The following SGSH variants were observed in gnomAD, a reference collection of about 807,000 sequenced individuals.
SGSH encodes N-sulfoglucosamine sulfohydrolase.
A neutral mutation model predicts 51.0 loss-of-function variants in SGSH; 48 were observed. That is an observed-to-expected ratio of 0.94 (90% CI 0.75 to 1.20). The LOEUF is 1.20. SGSH is among the 50% of genes most tolerant of loss of function. The probability of loss-of-function intolerance (pLI) is 0.00; values close to 1 mark genes in which losing one functional copy is unlikely to be tolerated. For missense variants in SGSH, 662 were observed against 717.8 expected, an observed-to-expected ratio of 0.92 and a Z score of 0.89; for synonymous variants, 321 against 313.4, an observed-to-expected ratio of 1.02 and a Z score of -0.26.
rs560338880 is a variant in SGSH, at chr17:80,209,882, A to C, written c.*570T>G. On this transcript the variant is annotated 3_prime_UTR_variant, in exon 8 of 8. Coordinates refer to ENST00000326317, the MANE Select transcript of SGSH (RefSeq NM_000199.5). ...ACTTGACCATGGGGCAAAACAGAAG[A>C]AGCAGAAACCTGCCCAAAGGTCGCT... is the stretch of plus-strand genomic sequence containing the variant. The C allele has an allele frequency of 1.6e-5, 16 of 990,284 alleles. No homozygotes were observed. Among genetic ancestry groups the C allele is most frequent in the East Asian group, 1.1e-4 (1 of 8,944 alleles). 61.3% of individuals were successfully genotyped at this position (990,284 alleles called of 1,614,324 possible).
chr17:80,205,822 T>G, downstream of SGSH: 1 of 595,868 alleles, frequency 1.7e-6, no homozygotes, highest in Admixed American at 3.4e-5. Context: ...TCTCAGCCAG[T>G]TAGGATCCAC....
At chr17:80,205,104 G>A (rs781479850), downstream of SGSH, 34 of 1,613,530 alleles carry the variant, frequency 2.1e-5, no homozygotes, top group Non-Finnish European at 2.7e-5. Context: ...CGGCCCCATC[G>A]ACCCGCCCGG....
At chr17:80,217,822 T>C (rs1450627755) in intron 1 of SGSH, among the ~76,000 whole-genome samples, 2 of 149,802 alleles carry the variant, frequency 1.3e-5, no homozygotes, top group Non-Finnish European at 3.0e-5. Context: ...CAAGTGGGCA[T>C]GATAAGCAGG....
At chr17:80,201,452 T>G in the SGSH span, 1 of 395,718 alleles carries the variant, frequency 2.5e-6, no homozygotes, top group Non-Finnish European at 4.6e-6. The surrounding 1 kb of genome is among the most constrained non-coding windows in gnomAD (Gnocchi z 5.0). Flanking sequence ...TTCTTTTCTT[T>G]TCTTTTCTTT....
Position 80,219,972 on chromosome 17 carries a change from G to A in SGSH, c.88+254C>T, listed in dbSNP as rs2042079308. 12 of 402,440 alleles carry A rather than the reference G, an allele frequency of 3.0e-5. No individual in the cohort carries two copies. The East Asian group carries it at 4.5e-4, about 15-fold the overall frequency. The allele number at this position is 402,440 out of a possible 1,614,324, so 24.9% of individuals were successfully genotyped here. A position where few individuals can be genotyped will look rare whatever the true frequency, so the allele number is the denominator to read the frequency against. On this transcript the variant is annotated intron_variant, in intron 1 of 7. Transcript: ENST00000326317. ...TGGCTGGGCAGGGTCAGAGGAGGGT[G>A]GGACAGGCGGCACGAGGTAAGTGTA...
chr17:80,208,220 C>T, downstream of SGSH: 1 of 1,563,970 alleles, frequency 6.4e-7, no homozygotes, highest in Non-Finnish European at 8.7e-7. Context: ...GGACCGGGCG[C>T]CCTGTCTATA....
chr17:80,202,527 G>A (rs543090223), downstream of SGSH: 1 of 1,504,808 alleles, frequency 6.6e-7, no homozygotes. Context: ...GGGTGGGCGT[G>A]GTGAGACCCC....
the SGSH span, chr17:80,200,909 G>C: frequency 6.6e-6 from 1 of 152,278 alleles, no homozygotes; most frequent in African/African-American, 2.4e-5. Flanking sequence ...GCTCCTCTGA[G>C]AATCTACTGC....
At chr17:80,211,315 A>C in intron 7 of SGSH, 1 of 569,262 alleles carries the variant, frequency 1.8e-6, no homozygotes, top group South Asian at 2.0e-5. Flanking sequence ...GTGTGGCCAC[A>C]GTGCTCCTGG....
downstream of SGSH, chr17:80,202,780 T>C (rs9904453): frequency 0.51 from 148,710 of 292,228 alleles, 38,936 homozygotes; most frequent in Non-Finnish European, 0.54. Flanking sequence ...ATGCCGGGAC[T>C]ACTCCCATGC....
At chr17:80,206,909 C>A, downstream of SGSH, 4 of 1,286,246 alleles carry the variant, frequency 3.1e-6, no homozygotes, top group Non-Finnish European at 4.4e-6. Flanking sequence ...TGGGCGTTGG[C>A]TCCCTTTGCT....
At chr17:80,207,756 G>A (rs569931132), downstream of SGSH, 4 of 230,708 alleles carry the variant, frequency 1.7e-5, no homozygotes, top group Admixed American at 2.3e-4. Flanking sequence ...TCCCCCAAGA[G>A]CAGCTCAGAG....
chr17:80,211,789 G>A (rs2041676385), intron 7 of SGSH: 1 of 510,292 alleles, frequency 2.0e-6, no homozygotes, highest in East Asian at 3.6e-5. Flanking sequence ...TGATTCTGAA[G>A]CTCATCGGAG....
Position 80,212,538 on chromosome 17 carries a change from CA to C in SGSH, c.746-265del. On this transcript the variant is annotated intron_variant, in intron 6 of 7. Coordinates refer to ENST00000326317, the MANE Select transcript of SGSH (RefSeq NM_000199.5). This position sits in a 1 kb window ranked among gnomAD's most constrained non-coding sequence, Gnocchi z 5.9. Reference sequence around the variant, plus strand: ...TTGGCACTTCTGTGTCACCCCCAGGCAGCTGCTCCCTGGTGCCCGCCGGCTT... The same window carrying C: ...TTGGCACTTCTGTGTCACCCCCAGGCGCTGCTCCCTGGTGCCCGCCGGCTT... 1.1e-5 allele frequency: 6 copies of C among 539,810 alleles called. No individual in the cohort carries two copies. In the South Asian group the frequency reaches 1.2e-4, roughly 11 times the overall value. 33.4% of individuals were successfully genotyped at this position (539,810 alleles called of 1,614,324 possible). A position where few individuals can be genotyped will look rare whatever the true frequency, so the allele number is the denominator to read the frequency against.
Position 80,212,644 on chromosome 17 carries a change from C to T in SGSH, c.746-370G>A, listed in dbSNP as rs543049718. The T allele has an allele frequency of 1.6e-4, 58 of 368,154 alleles. No individual in the cohort carries two copies. Among genetic ancestry groups the T allele is most frequent in the South Asian group, 1.2e-3 (52 of 44,918 alleles). The allele number at this position is 368,154 out of a possible 1,614,324, so 22.8% of individuals were successfully genotyped here. ...GAGGACGAGGCTTCCTCTATACTCG[C>T]TCCTTCCCAGCTGGGGCCAGAGGAC... On this transcript the variant is annotated intron_variant, in intron 6 of 7. Transcript: ENST00000326317. This position sits in a 1 kb window ranked among gnomAD's most constrained non-coding sequence, Gnocchi z 5.9.
downstream of SGSH, chr17:80,205,280 T>TC: frequency 3.7e-6 from 4 of 1,077,402 alleles, no homozygotes; most frequent in Non-Finnish European, 5.2e-6. Flanking sequence ...CCCTCCTTCC[T>TC]CCCCTTCCTC....
intron 1 of SGSH, 72 bp from the exon 2 acceptor site, chr17:80,217,264 G>T (rs767015790): frequency 6.5e-7 from 1 of 1,532,520 alleles, no homozygotes; most frequent in African/African-American, 1.3e-5. Context: ...AGTGAGGGAG[G>T]CTGGGACTGT....
Position 80,220,299 on chromosome 17 carries a change from C to CA in SGSH, c.14dup (p.Pro6AlafsTer27). ...CTAGCAGCAGCGCGCAGCAGGCGGGCACGGGGCAGCTCATGGCGGCGGCGG... is the reference window on the plus strand; with the variant it reads ...CTAGCAGCAGCGCGCAGCAGGCGGGCAACGGGGCAGCTCATGGCGGCGGCGG... On this transcript the variant is annotated frameshift_variant, in exon 1 of 8. Transcript: ENST00000326317. LOFTEE classifies it high-confidence loss of function. The CA allele has an allele frequency of 6.6e-7, 1 of 1,516,176 alleles. No homozygotes were observed. The highest frequency in any genetic ancestry group is 8.8e-7 in the Non-Finnish European group (1 of 1,138,950). The allele number at this position is 1,516,176 out of a possible 1,614,324, so 93.9% of individuals were successfully genotyped here.
At chr17:80,214,589 G>A in intron 4 of SGSH, 26 bp downstream of exon 4, 1 of 1,607,362 alleles carries the variant, frequency 6.2e-7, no homozygotes, top group South Asian at 1.1e-5. Context: ...CCGCCAGGGG[G>A]AAGGGGCAGG....
Sources: allele counts gnomAD v4.1 joint callset (sites outside exome capture counted in the v4.1 genomes callset), GRCh38; gene constraint gnomAD v4.1.1; non-coding constraint Gnocchi (gnomAD v3.1); transcripts MANE v1.5; gene names NCBI Gene and HGNC (gene_info 2026-07-23, HGNC 2026-07-21).